CAMK4: variants seen among roughly 807,000 people sequenced by gnomAD.
The protein encoded by CAMK4 is calcium/calmodulin dependent protein kinase IV.
A neutral mutation model predicts 44.9 loss-of-function variants in CAMK4; 22 were observed. That is an observed-to-expected ratio of 0.49 (90% confidence interval 0.35 to 0.70). The LOEUF (loss-of-function observed/expected upper bound fraction) is 0.70, where lower values mean the gene tolerates loss of function less well. CAMK4 is among the 30% of genes least tolerant of loss of function. The pLI is 0.01. For missense variants in CAMK4, 498 were observed against 586.8 expected, an observed-to-expected ratio of 0.85 and a Z score of 1.56; for synonymous variants, 218 against 215.4, an observed-to-expected ratio of 1.01 and a Z score of -0.11.
chr5:111,258,786 G>T (rs1749854161), intron 1 of CAMK4, among the ~76,000 whole-genome samples: 1 of 136,826 alleles, frequency 7.3e-6, no homozygotes, highest in East Asian at 2.0e-4. Context: ...TGTGTGTGCA[G>T]TCTTAGCCTT....
At chr5:111,298,495 G>A (rs1747580954) in intron 1 of CAMK4, among the ~76,000 whole-genome samples, 1 of 152,178 alleles carries the variant, frequency 6.6e-6, no homozygotes, top group Non-Finnish European at 1.5e-5. Flanking sequence ...AGAAGGTAAA[G>A]CATTGTCAGT....
At chr5:111,394,838 AATC>A in intron 5 of CAMK4, 56 bp downstream of exon 5, 2 of 1,090,672 alleles carry the variant, frequency 1.8e-6, no homozygotes, top group Non-Finnish European at 2.8e-6. Context: ...CCTTTTACAG[AATC>A]ATCATTTAAG....
rs1420108470 is a variant in CAMK4, at chr5:111,489,133, C to G, written c.*4667C>G. 6.6e-6 allele frequency: 1 copy of G among 152,074 alleles called. No individual in the cohort carries two copies. The highest frequency in any genetic ancestry group is 1.5e-5 in the Non-Finnish European group (1 of 68,028). 9.4% of individuals were successfully genotyped at this position (152,074 alleles called of 1,614,324 possible). On this transcript the variant is annotated 3_prime_UTR_variant, in exon 11 of 11. Coordinates refer to ENST00000282356, the MANE Select transcript of CAMK4 (RefSeq NM_001744.6). ...ACATGTTATTTCACTATTGGTATTA[C>G]AATATTCATAACCACATGATAAACA...
At chr5:111,395,601 G>T (rs1486781886) in intron 5 of CAMK4, among the ~76,000 whole-genome samples, 2 of 152,076 alleles carry the variant, frequency 1.3e-5, no homozygotes, top group African/African-American at 4.8e-5. Flanking sequence ...AGAAACATAA[G>T]TTAATATTTT....
intron 7 of CAMK4, among the ~76,000 whole-genome samples, chr5:111,462,670 G>T (rs1754683618): frequency 6.6e-6 from 1 of 152,168 alleles, no homozygotes; most frequent in Non-Finnish European, 1.5e-5. Flanking sequence ...CAAAATGAAA[G>T]TACAGTCAAT....
chr5:111,235,010 T>C (rs545110019), intron 1 of CAMK4, among the ~76,000 whole-genome samples: 1 of 152,340 alleles, frequency 6.6e-6, no homozygotes, highest in Admixed American at 6.5e-5. Context: ...CAATGAAGTA[T>C]TTGAATGATG....
At chr5:111,375,898 T>A (rs973832703) in intron 3 of CAMK4, among the ~76,000 whole-genome samples, 1 of 152,068 alleles carries the variant, frequency 6.6e-6, no homozygotes, top group African/African-American at 2.4e-5. Context: ...GATGGAAGGA[T>A]CTCAGCTGCC....
intron 8 of CAMK4, among the ~76,000 whole-genome samples, chr5:111,474,991 G>A (rs531084977): frequency 1.6e-4 from 24 of 152,142 alleles, no homozygotes; most frequent in East Asian, 1.5e-3. Context: ...GTGAAACCCC[G>A]TCTCTACTAA....
chr5:111,473,347 A>T lies in CAMK4; in HGVS notation c.662A>T (p.Glu221Val). The change falls in exon 8 of 11, where the codon GAG becomes GTG. Residue 221 changes from glutamate (E) to valine (V), a missense_variant. Physicochemically the swap from Glu to Val is moderately radical, Grantham distance 121 (BLOSUM62 -2). This residue lies in a region of CAMK4 where 203 missense variants were observed against 298.2 expected (regional missense o/e 0.68). Coordinates refer to ENST00000282356, the MANE Select transcript of CAMK4 (RefSeq NM_001744.6). ...EILRGCAYGP[E>V]VDMWSVGIIT... ...CTTAGAGGTTGTGCCTATGGACCTG[A>T]GGTGGACATGTGGTCTGTAGGAATA... The T allele has an allele frequency of 6.2e-7, 1 of 1,612,922 alleles. No homozygotes were observed. Among genetic ancestry groups the T allele is most frequent in the South Asian group, 1.1e-5 (1 of 90,994 alleles).
intron 1 of CAMK4, among the ~76,000 whole-genome samples, chr5:111,312,716 A>C (rs1480121701): frequency 6.6e-6 from 1 of 152,170 alleles, no homozygotes; most frequent in African/African-American, 2.4e-5. Context: ...CCATCCAAGA[A>C]ACTCAGAAAT....
chr5:111,420,856 T>A (rs1753001263), intron 5 of CAMK4, among the ~76,000 whole-genome samples: 1 of 152,226 alleles, frequency 6.6e-6, no homozygotes, highest in African/African-American at 2.4e-5. Flanking sequence ...TGTTCTTTTT[T>A]CAAGGTGCCC....
chr5:111,427,771 C>A (rs772974386), intron 5 of CAMK4, among the ~76,000 whole-genome samples: 2 of 152,206 alleles, frequency 1.3e-5, no homozygotes, highest in African/African-American at 2.4e-5. Context: ...GTTCCTGACT[C>A]CTGGACAGCA....
At chr5:111,401,575 A>G (rs1348638954) in intron 5 of CAMK4, among the ~76,000 whole-genome samples, 1 of 152,192 alleles carries the variant, frequency 6.6e-6, no homozygotes, top group Non-Finnish European at 1.5e-5. Flanking sequence ...GCAAGAAAAG[A>G]TGAAATTGCA....
chr5:111,418,853 T>A (rs1256712028), intron 5 of CAMK4, among the ~76,000 whole-genome samples: 1 of 152,202 alleles, frequency 6.6e-6, no homozygotes, highest in Admixed American at 6.5e-5. Flanking sequence ...TGTTGGACAT[T>A]TTGGTTGGTT....
chr5:111,365,853 T>C (rs935397519), intron 2 of CAMK4, among the ~76,000 whole-genome samples: 8 of 152,122 alleles, frequency 5.3e-5, no homozygotes, highest in Admixed American at 3.3e-4. Context: ...CAGCCTCATG[T>C]AGGAAAACCT....
rs564844481 is a variant in CAMK4 at position 111,350,460 on chromosome 5, G to A, written c.240+6358G>A. On this transcript the variant is annotated intron_variant, in intron 2 of 10. Transcript: ENST00000282356. Reference sequence around the variant, plus strand: ...GAAAATGGATACATATTCTCTTATTGCTATCAATAAAATGTAATGTGGCAC... The same window carrying A: ...GAAAATGGATACATATTCTCTTATTACTATCAATAAAATGTAATGTGGCAC... Among the ~76,000 whole-genome samples, 16 of 151,854 alleles carry A rather than the reference G, an allele frequency of 1.1e-4. No homozygotes were observed. The South Asian group carries it at 2.9e-3, about 28-fold the overall frequency.
intron 1 of CAMK4, among the ~76,000 whole-genome samples, chr5:111,228,278 G>T (rs1748293376): frequency 6.6e-6 from 1 of 152,014 alleles, no homozygotes; most frequent in South Asian, 2.1e-4. Flanking sequence ...TTTAAATTTA[G>T]TTCCCATTCC....
intron 1 of CAMK4, among the ~76,000 whole-genome samples, chr5:111,238,545 ATGT>A (rs951890741): frequency 7.8e-5 from 11 of 140,560 alleles, no homozygotes; most frequent in African/African-American, 3.2e-4. Context: ...TGTGAAAAAA[ATGT>A]TTTTTTTTTT....
At chr5:111,409,467 C>G (rs571178112) in intron 5 of CAMK4, among the ~76,000 whole-genome samples, 2 of 152,342 alleles carry the variant, frequency 1.3e-5, no homozygotes, top group South Asian at 4.1e-4. Flanking sequence ...CCTATGAAAC[C>G]ATTTTTCCCT....
Sources: gnomAD v4.1 joint callset for allele counts (sites outside exome capture counted in the v4.1 genomes callset) on GRCh38, gnomAD v4.1.1 for gene constraint, gnomAD v4.1.1 regional missense constraint, MANE v1.5 for transcripts, NCBI Gene and HGNC (gene_info 2026-07-23, HGNC 2026-07-21) for gene names.